The following PPM1M variants were observed in gnomAD, a reference collection of about 807,000 sequenced individuals.
The protein encoded by PPM1M is protein phosphatase, Mg2+/Mn2+ dependent 1M, also known as protein phosphatase 1M.
A neutral mutation model predicts 50.8 loss-of-function variants in PPM1M; 44 were observed. That is an observed-to-expected ratio of 0.87 (90% CI 0.68 to 1.11). The LOEUF is 1.11. Ranked by LOEUF, PPM1M falls within the 50% of genes most tolerant of loss-of-function variation. The pLI is 0.00. For missense variants in PPM1M, 556 were observed against 593.4 expected, an observed-to-expected ratio of 0.94 and a Z score of 0.66; for synonymous variants, 224 against 242.9, an observed-to-expected ratio of 0.92 and a Z score of 0.72.
chr3:52,246,759 CGGA>C lies in PPM1M; in HGVS notation c.291_293del (p.Arg98del). On this transcript the variant is annotated inframe_deletion, in exon 2 of 10. Transcript: ENST00000323588. ...AGCCGCCTGTGGGAAGCTGTGCATC[CGGA>C]GATGTGAGTTTGGGGCTGAAGAAGA... is the stretch of plus-strand genomic sequence containing the variant. 1 of 1,340,166 alleles carries C rather than the reference CGGA, an allele frequency of 7.5e-7. No homozygotes were observed. The highest frequency in any genetic ancestry group is 9.9e-7 in the Non-Finnish European group (1 of 1,012,788). 83.0% of individuals were successfully genotyped at this position (1,340,166 alleles called of 1,614,324 possible).
intron 7 of PPM1M, 40 bp from the exon 8 acceptor site, chr3:52,248,916 G>A (rs1224790088): frequency 6.7e-7 from 1 of 1,486,586 alleles, no homozygotes; most frequent in Non-Finnish European, 9.3e-7. Context: ...TGCATTTGCT[G>A]GAGCTGTTTG....
rs1414769412 is a variant in PPM1M at position 52,249,041 on chromosome 3, C to T, written c.1064C>T (p.Pro355Leu). Residue 355 changes from proline (P) to leucine (L), a missense_variant, in exon 8 of 10, where the codon CCC (proline) becomes CTC (leucine). By Grantham distance (98) the Pro-to-Leu change is moderately conservative. Coordinates refer to ENST00000323588, the MANE Select transcript of PPM1M (RefSeq NM_144641.4). ...CTGGACACAAACATCCAGCTCAAGC[C>T]CTTCTTGCTCTCTGTGCCACAGGTA... ...RVLDTNIQLKPFLLSVPQVTV... is the reference protein window; with the variant it reads ...RVLDTNIQLKLFLLSVPQVTV... 2 of 1,610,834 alleles carry T rather than the reference C, an allele frequency of 1.2e-6. No individual in the cohort carries two copies. The highest frequency in any genetic ancestry group is 1.7e-6 in the Non-Finnish European group (2 of 1,178,552).
At position 52,248,205 on chromosome 3, in the gene PPM1M, C is replaced by T. The variant is rs1699895445; in HGVS notation, c.763C>T (p.Pro255Ser). 1.9e-6 allele frequency: 3 copies of T among 1,613,570 alleles called. No individual in the cohort carries two copies. The highest frequency in any genetic ancestry group is 2.5e-6 in the Non-Finnish European group (3 of 1,179,720). Residue 255 changes from proline (P) to serine (S), a missense_variant, in exon 5 of 10, where the codon CCA (proline) becomes TCA (serine). Transcript: ENST00000323588. ...ACGGCCACTGAGCTTCGAGTTCACCCCAGAGACTGAGCGGCAGCGGATCCA... is the reference window on the plus strand; with the variant it reads ...ACGGCCACTGAGCTTCGAGTTCACCTCAGAGACTGAGCGGCAGCGGATCCA... ...EIRPLSFEFTPETERQRIQQL... is the reference protein window; with the variant it reads ...EIRPLSFEFTSETERQRIQQL...
Position 52,245,771 on chromosome 3 carries a change from G to T in PPM1M, c.-54G>T. On this transcript the variant is annotated 5_prime_UTR_variant, in exon 1 of 10. Coordinates refer to ENST00000323588, the MANE Select transcript of PPM1M (RefSeq NM_144641.4). The surrounding 1 kb of genome is among the most constrained non-coding windows in gnomAD (Gnocchi z 4.8). ...CCGCGGCCCGCTTCTTCCTCCCGCG[G>T]GCGGCCCAGCCCTAGCGCCCCGCGC... The T allele has an allele frequency of 1.1e-6, 1 of 892,092 alleles. No homozygotes were observed. The highest frequency in any genetic ancestry group is 6.3e-5 in the Admixed American group (1 of 15,934). The allele number at this position is 892,092 out of a possible 1,614,324, so 55.3% of individuals were successfully genotyped here.
In PPM1M at chr3:52,247,853, G is replaced by A; in HGVS notation, c.710+59G>A. 4 of 1,091,246 alleles carry A rather than the reference G, an allele frequency of 3.7e-6. No homozygotes were observed. In the South Asian group the frequency reaches 4.0e-5, roughly 11 times the overall value. The allele number at this position is 1,091,246 out of a possible 1,614,324, so 67.6% of individuals were successfully genotyped here. Reference sequence around the variant, plus strand: ...GATGGGGAGGGCATAAGCAGCAATGGGGACAAGCAAAGGTGGCTGGAAGTG... The same window carrying A: ...GATGGGGAGGGCATAAGCAGCAATGAGGACAAGCAAAGGTGGCTGGAAGTG... On this transcript the variant is annotated intron_variant, in intron 4 of 9. Coordinates refer to ENST00000323588, the MANE Select transcript of PPM1M (RefSeq NM_144641.4).
rs1465947979 is a variant in PPM1M, at chr3:52,246,695, G to GATT, written c.228_230dup (p.Ile77dup). ...GTCGCTTACCATTTCCCGGCCTCAG[G>GATT]ATTATCAATGCAGAGAAATCTGAAT... On this transcript the variant is annotated inframe_insertion and splice_region_variant, in exon 2 of 10. Transcript: ENST00000323588. 1 of 1,305,896 alleles carries GATT rather than the reference G, an allele frequency of 7.7e-7. No individual in the cohort carries two copies. The highest frequency in any genetic ancestry group is 2.3e-5 in the Admixed American group (1 of 43,634). 80.9% of individuals were successfully genotyped at this position (1,305,896 alleles called of 1,614,324 possible). A position where few individuals can be genotyped will look rare whatever the true frequency, so the allele number is the denominator to read the frequency against.
At position 52,246,984 on chromosome 3, in the gene PPM1M, G is replaced by C; in HGVS notation, c.353G>C (p.Gly118Ala). 6.5e-7 allele frequency: 1 copy of C among 1,543,120 alleles called. No individual in the cohort carries two copies. The highest frequency in any genetic ancestry group is 8.7e-7 in the Non-Finnish European group (1 of 1,143,462). ...LTLCPEEFLT[G>A]HYWALFDGHG... ...GCCCTTCCTGTGCAGTTCCTGACAG[G>C]CCATTACTGGGCACTGTTCGATGGG... is the stretch of plus-strand genomic sequence containing the variant. Residue 118 changes from glycine to alanine, a missense_variant, in exon 3 of 10, where the codon GGC becomes GCC. By Grantham distance (60) the Gly-to-Ala change is moderately conservative (BLOSUM62 0). Transcript: ENST00000323588.
In PPM1M at chr3:52,245,788, G is replaced by T; in HGVS notation, c.-37G>T. 1 of 975,816 alleles carries T rather than the reference G, an allele frequency of 1.0e-6. No individual in the cohort carries two copies. Among genetic ancestry groups the T allele is most frequent in the Non-Finnish European group, 1.2e-6 (1 of 821,184 alleles). The allele number at this position is 975,816 out of a possible 1,614,324, so 60.4% of individuals were successfully genotyped here. ...CTCCCGCGGGCGGCCCAGCCCTAGC[G>T]CCCCGCGCTCCGCGGGCAGCCCCCT... On this transcript the variant is annotated 5_prime_UTR_variant, in exon 1 of 10. Transcript: ENST00000323588. The surrounding 1 kb of genome is among the most constrained non-coding windows in gnomAD (Gnocchi z 4.8).
At position 52,245,862 on chromosome 3, in the gene PPM1M, G is replaced by C. The variant is rs1328624480; in HGVS notation, c.38G>C (p.Gly13Ala). The C allele has an allele frequency of 3.7e-6, 4 of 1,093,478 alleles. No individual in the cohort carries two copies. The highest frequency in any genetic ancestry group is 1.1e-6 in the Non-Finnish European group (1 of 889,030). 67.7% of individuals were successfully genotyped at this position (1,093,478 alleles called of 1,614,324 possible). ...TGGTTCCGGCGCCGCTTCCTGCCTG[G>C]GGAGCCGCTCCCCGCGCCGCGGCCG... ...AGWFRRRFLPGEPLPAPRPPG... is the reference protein window; with the variant it reads ...AGWFRRRFLPAEPLPAPRPPG... Residue 13 changes from glycine to alanine, a missense_variant, in exon 1 of 10, where the codon GGG (glycine) becomes GCG (alanine). Gly to Ala is a moderately conservative substitution (Grantham distance 60). Transcript: ENST00000323588. The surrounding 1 kb of genome is among the most constrained non-coding windows in gnomAD (Gnocchi z 4.8).
rs775135995 is a variant in PPM1M at position 52,247,202 on chromosome 3, G to T, written c.571G>T (p.Ala191Ser). Residue 191 changes from alanine to serine, a missense_variant, in exon 3 of 10, where the codon GCA becomes TCA. Ala to Ser is a moderately conservative substitution (Grantham distance 99). Coordinates refer to ENST00000323588, the MANE Select transcript of PPM1M (RefSeq NM_144641.4). ...GIRAEDLVIG[A>S]LESAFQECDE... ...CAGGGCAGAAGACTTGGTGATCGGG[G>T]CATTGGAGAGTGCCTTTCAGGAATG... 1 of 1,613,164 alleles carries T rather than the reference G, an allele frequency of 6.2e-7. No individual in the cohort carries two copies. The highest frequency in any genetic ancestry group is 2.2e-5 in the East Asian group (1 of 44,864).
At chr3:52,249,465 A>G in intron 9 of PPM1M, 143 bp downstream of exon 9, 3 of 1,291,712 alleles carry the variant, frequency 2.3e-6, no homozygotes, top group Non-Finnish European at 2.2e-6. Flanking sequence ...TGGAGGAGGC[A>G]GGGAGACCGT....
chr3:52,248,602 A>G (rs1699905738), intron 6 of PPM1M, 35 bp from the exon 7 acceptor site: 1 of 1,612,528 alleles, frequency 6.2e-7, no homozygotes. Flanking sequence ...GATGGGGCAC[A>G]GGGCTTGGGT....
Position 52,248,965 on chromosome 3 carries a change from C to G in PPM1M, c.988C>G (p.Leu330Val). ...IHGQGRQARLLGTLAVSRGLG... is the reference protein window; with the variant it reads ...IHGQGRQARLVGTLAVSRGLG... The stretch of plus-strand genomic sequence containing the variant: ...CCTCACTTTCCCTCAGGCTCGGTTA[C>G]TAGGAACACTGGCTGTCTCCCGGGG... The change falls in exon 8 of 10, where the codon CTA becomes GTA. Residue 330 changes from leucine (L) to valine (V), a missense_variant. Physicochemically the swap from Leu to Val is conservative, Grantham distance 32. Coordinates refer to ENST00000323588, the MANE Select transcript of PPM1M (RefSeq NM_144641.4). 6.2e-7 allele frequency: 1 copy of G among 1,606,020 alleles called. No individual in the cohort carries two copies. The highest frequency in any genetic ancestry group is 1.7e-5 in the Admixed American group (1 of 58,696).
chr3:52,246,369 C>T, intron 1 of PPM1M: 6 of 1,050,906 alleles, frequency 5.7e-6, no homozygotes, highest in Non-Finnish European at 6.9e-6. Context: ...CTACCCCCAC[C>T]ATCTCACCCT....
In PPM1M at chr3:52,248,368, T is replaced by A; in HGVS notation, c.829T>A (p.Phe277Ile). 6.2e-7 allele frequency: 1 copy of A among 1,613,044 alleles called. No homozygotes were observed. Among genetic ancestry groups the A allele is most frequent in the Non-Finnish European group, 8.5e-7 (1 of 1,179,560 alleles). Residue 277 changes from phenylalanine (F) to isoleucine (I), a missense_variant, in exon 6 of 10, where the codon TTC becomes ATC. Coordinates refer to ENST00000323588, the MANE Select transcript of PPM1M (RefSeq NM_144641.4). ...FVYPELLAGE[F>I]TRLEFPRRLK... ...CTATCCTGAGCTTCTGGCTGGTGAGTTCACCCGACTGGAGTTCCCTCGGCG... is the reference window on the plus strand; with the variant it reads ...CTATCCTGAGCTTCTGGCTGGTGAGATCACCCGACTGGAGTTCCCTCGGCG...
intron 4 of PPM1M, 150 bp from the exon 5 acceptor site, chr3:52,248,003 C>A: frequency 1.3e-6 from 1 of 799,160 alleles, no homozygotes; most frequent in Non-Finnish European, 2.1e-6. Flanking sequence ...AGCCTTCACC[C>A]TTGCAGGTCT....
chr3:52,249,820 C>CA lies in PPM1M; in HGVS notation c.*7dup. ...AAGAGAGCAGTGACCACTGAGGATT[C>CA]AGACACTGTATCCCAGAACTGCTCT... On this transcript the variant is annotated 3_prime_UTR_variant, in exon 10 of 10. Coordinates refer to ENST00000323588, the MANE Select transcript of PPM1M (RefSeq NM_144641.4). 2 of 1,610,904 alleles carry CA rather than the reference C, an allele frequency of 1.2e-6. No individual in the cohort carries two copies. Among genetic ancestry groups the CA allele is most frequent in the Non-Finnish European group, 8.5e-7 (1 of 1,178,458 alleles).
At position 52,248,329 on chromosome 3, in the gene PPM1M, C is replaced by T. The variant is rs749463899; in HGVS notation, c.796-6C>T. On this transcript the variant is annotated splice_polypyrimidine_tract_variant and splice_region_variant and intron_variant, in intron 5 of 9. Transcript: ENST00000323588. The stretch of plus-strand genomic sequence containing the variant: ...GTATGACCTGAGCGCAGCCTCCCCA[C>T]CCCAGGCCTTTGTCTATCCTGAGCT... 1.4e-5 allele frequency: 22 copies of T among 1,609,910 alleles called. No individual in the cohort carries two copies. Among genetic ancestry groups the T allele is most frequent in the Non-Finnish European group, 1.8e-5 (21 of 1,178,024 alleles).
In PPM1M at chr3:52,248,092, G is replaced by A. The variant is rs1381654286; in HGVS notation, c.711-61G>A. 7.1e-6 allele frequency: 10 copies of A among 1,402,614 alleles called. No individual in the cohort carries two copies. In the Admixed American group the frequency reaches 1.7e-4, roughly 24 times the overall value. 86.9% of individuals were successfully genotyped at this position (1,402,614 alleles called of 1,614,324 possible). ...TGGTTGGAGGAGGGACTGGTAGGAG[G>A]GTGGCCATGGGTGAGGGTGGAGGCC... On this transcript the variant is annotated intron_variant, in intron 4 of 9. Transcript: ENST00000323588.
Sources: gnomAD v4.1 joint callset for allele counts on GRCh38, gnomAD v4.1.1 for gene constraint, Gnocchi (gnomAD v3.1) non-coding constraint, MANE v1.5 for transcripts, NCBI Gene and HGNC (gene_info 2026-07-23, HGNC 2026-07-21) for gene names.